Variants in NAALAD2 observed in about 807,000 individuals in gnomAD.
NAALAD2 encodes N-acetylated-alpha-linked acidic dipeptidase 2.
A neutral mutation model predicts 95.6 loss-of-function variants in NAALAD2; 89 were observed. That is an observed-to-expected ratio of 0.93 (90% confidence interval 0.78 to 1.11). The LOEUF (loss-of-function observed/expected upper bound fraction) is 1.11. Among genes scored for constraint, NAALAD2 ranks in the 50% least tolerant of loss-of-function variants. The pLI is 0.00. For missense variants in NAALAD2, 894 were observed against 872.4 expected (o/e 1.02, Z -0.31); for synonymous variants, 264 against 294.4 (o/e 0.90, Z 1.06).
At chr11:90,148,371 G>A (rs566305421) in intron 3 of NAALAD2, among the ~76,000 whole-genome samples, 83 of 152,298 alleles carry the variant, frequency 5.4e-4, no homozygotes, top group African/African-American at 1.7e-3. Flanking sequence ...GGAAGATAGA[G>A]TTCAGGATGA....
chr11:90,147,486 T>C lies in NAALAD2; in HGVS notation c.351T>C (p.Tyr117=), dbSNP rs773025310. The C allele has an allele frequency of 6.8e-6, 11 of 1,611,166 alleles. No homozygotes were observed. Among genetic ancestry groups the C allele is most frequent in the Non-Finnish European group, 9.3e-6 (11 of 1,179,020 alleles). The change falls in exon 3 of 19, where the codon TAT becomes TAC. Residue 117 remains tyrosine, a synonymous_variant. Coordinates refer to ENST00000534061, the MANE Select transcript of NAALAD2 (RefSeq NM_005467.4). ...LSYPNETNAN[Y]ISIVDEHETE... ...ACCCCAATGAGACAAATGCCAACTA[T>C]ATATCGATTGTGGATGAACATGAAA...
At chr11:90,176,385 G>A (rs1339125814) in intron 15 of NAALAD2, among the ~76,000 whole-genome samples, 1 of 152,106 alleles carries the variant, frequency 6.6e-6, no homozygotes, top group Non-Finnish European at 1.5e-5. Context: ...TAGTCTTGCA[G>A]GCTCTGATGT....
At chr11:90,188,139 G>T (rs888596687) in intron 18 of NAALAD2, among the ~76,000 whole-genome samples, 1 of 152,124 alleles carries the variant, frequency 6.6e-6, no homozygotes, top group Non-Finnish European at 1.5e-5. Context: ...TTGGTGATCG[G>T]CACAAGAGTA....
chr11:90,159,041 A>G (rs3740808), intron 7 of NAALAD2, 198 bp from the exon 8 acceptor site: 1 of 550,406 alleles, frequency 1.8e-6, no homozygotes, highest in Non-Finnish European at 3.2e-6. Flanking sequence ...CATATTACGT[A>G]TTTTACTTAC....
chr11:90,156,324 A>G (rs1952118619), intron 6 of NAALAD2, among the ~76,000 whole-genome samples: 1 of 152,000 alleles, frequency 6.6e-6, no homozygotes, highest in Admixed American at 6.6e-5. Flanking sequence ...GGCCTCCCAA[A>G]GTGCTGGGAT....
upstream of NAALAD2, among the ~76,000 whole-genome samples, chr11:90,133,674 A>G (rs548102072): frequency 1.3e-5 from 2 of 152,328 alleles, no homozygotes; most frequent in Admixed American, 6.5e-5. Context: ...GGGAAATTCA[A>G]TGGGCTTGAA....
intron 2 of NAALAD2, among the ~76,000 whole-genome samples, chr11:90,145,933 G>A (rs1951740719): frequency 6.6e-6 from 1 of 152,142 alleles, no homozygotes; most frequent in African/African-American, 2.4e-5. Context: ...ATGCCATGTT[G>A]GAGTGTGGAC....
At position 90,139,129 on chromosome 11, in the gene NAALAD2, A is replaced by T. The variant is rs1413956420; in HGVS notation, c.194+3459A>T. ...AGAGGTGTCTTCCAATACCAAAAGA[A>T]TTTTAAAAGGCAATCCCTTCCTGGC... On this transcript the variant is annotated intron_variant, in intron 2 of 18. Transcript: ENST00000534061. Among the ~76,000 whole-genome samples the T allele has an allele frequency of 3.3e-5, 5 of 152,086 alleles. 1 individual carries two copies. In the South Asian group the frequency reaches 1.0e-3, roughly 32 times the overall value.
At position 90,147,379 on chromosome 11, in the gene NAALAD2, C is replaced by G. The variant is rs751999872; in HGVS notation, c.244C>G (p.Leu82Val). 6.8e-6 allele frequency: 11 copies of G among 1,613,822 alleles called. No homozygotes were observed. Among genetic ancestry groups the G allele is most frequent in the Non-Finnish European group, 9.3e-6 (11 of 1,179,958 alleles). The change falls in exon 3 of 19, where the codon CTT (leucine) becomes GTT (valine). Residue 82 changes from leucine (L) to valine (V), a missense_variant. Coordinates refer to ENST00000534061, the MANE Select transcript of NAALAD2 (RefSeq NM_005467.4). ...GGCAGGAACAGAACAAAATTTCTTG[C>G]TTGCCAAGAAAATCCAAACCCAGTG... The part of the protein sequence containing the change: ...HLAGTEQNFL[L>V]AKKIQTQWKK...
At chr11:90,185,429 G>A (rs113910293) in intron 18 of NAALAD2, among the ~76,000 whole-genome samples, 57 of 152,146 alleles carry the variant, frequency 3.7e-4, no homozygotes, top group African/African-American at 1.3e-3. Flanking sequence ...CCAGCGCTTT[G>A]GGAGGCTGAG....
At chr11:90,187,208 T>C (rs531019491) in intron 18 of NAALAD2, among the ~76,000 whole-genome samples, 1 of 151,644 alleles carries the variant, frequency 6.6e-6, no homozygotes, top group East Asian at 2.0e-4. Context: ...ATAGGAACAC[T>C]TTTACACTGT....
chr11:90,148,282 G>A (rs1224130767), intron 3 of NAALAD2, among the ~76,000 whole-genome samples: 1 of 152,200 alleles, frequency 6.6e-6, no homozygotes, highest in East Asian at 1.9e-4. Context: ...TAGTAGGAAT[G>A]AGGATGAGGG....
At position 90,134,694 on chromosome 11, in the gene NAALAD2, T is replaced by C; in HGVS notation, c.-65T>C. 6.5e-7 allele frequency: 1 copy of C among 1,536,896 alleles called. No homozygotes were observed. ...CACAGCCTCCTGCCAGCGCGCTCTC[T>C]GTTTCTCTGCAGCCCCGAAGCTCGC... is the stretch of plus-strand genomic sequence containing the variant. On this transcript the variant is annotated 5_prime_UTR_variant, in exon 1 of 19. Coordinates refer to ENST00000534061, the MANE Select transcript of NAALAD2 (RefSeq NM_005467.4).
rs562496549 is a variant in NAALAD2, at chr11:90,138,725, C to CTTT, written c.194+3087_194+3089dup. ...TATCATGAAACCCTTCATCCCTCAA[C>CTTT]TTTTTTTTTTTTTTTTTTTTTTTTT... On this transcript the variant is annotated intron_variant, in intron 2 of 18. Coordinates refer to ENST00000534061, the MANE Select transcript of NAALAD2 (RefSeq NM_005467.4). Among the ~76,000 whole-genome samples the CTTT allele has an allele frequency of 8.6e-4, 53 of 61,516 alleles. 8 individuals carry two copies. Among genetic ancestry groups the CTTT allele is most frequent in the Non-Finnish European group, 1.1e-3 (33 of 31,326 alleles). 40.4% of individuals were successfully genotyped at this position (61,516 alleles called of 152,430 possible).
chr11:90,188,027 A>G (rs1404177251), intron 18 of NAALAD2, among the ~76,000 whole-genome samples: 2 of 152,216 alleles, frequency 1.3e-5, no homozygotes, highest in African/African-American at 4.8e-5. Context: ...GGAAAGTGAC[A>G]TACAGAAAAC....
chr11:90,150,659 T>C (rs1239366536), intron 5 of NAALAD2, 52 bp downstream of exon 5: 1 of 1,355,942 alleles, frequency 7.4e-7, no homozygotes, highest in Non-Finnish European at 9.8e-7. Flanking sequence ...ATATATTCTG[T>C]AAATGTAAAT....
At chr11:90,166,626 G>A (rs1952455989) in intron 11 of NAALAD2, among the ~76,000 whole-genome samples, 1 of 151,938 alleles carries the variant, frequency 6.6e-6, no homozygotes, top group African/African-American at 2.4e-5. Context: ...ACGAGGTCAG[G>A]AGATCGAGAC....
Position 90,191,633 on chromosome 11 carries a change from T to G in NAALAD2, c.2109T>G (p.Phe703Leu), listed in dbSNP as rs759259286. 6.2e-7 allele frequency: 1 copy of G among 1,607,808 alleles called. No individual in the cohort carries two copies. The highest frequency in any genetic ancestry group is 1.1e-5 in the South Asian group (1 of 89,378). Reference protein sequence around the residue: ...ESFPGIYDAIFDIENKANSRL... With the variant: ...ESFPGIYDAILDIENKANSRL... ...TTCCTGGAATCTATGATGCTATCTTTGATATTGAAAATAAAGCCAACTCTC... is the reference window on the plus strand; with the variant it reads ...TTCCTGGAATCTATGATGCTATCTTGGATATTGAAAATAAAGCCAACTCTC... The change falls in exon 19 of 19, where the codon TTT becomes TTG. Residue 703 changes from phenylalanine to leucine, a missense_variant. Phe to Leu is a conservative substitution (Grantham distance 22). Transcript: ENST00000534061.
Position 90,178,104 on chromosome 11 carries a change from T to TG in NAALAD2, c.1847dup (p.Val617SerfsTer4). On this transcript the variant is annotated frameshift_variant, in exon 16 of 19. Coordinates refer to ENST00000534061, the MANE Select transcript of NAALAD2 (RefSeq NM_005467.4). LOFTEE classifies it high-confidence loss of function. Reference sequence around the variant, plus strand: ...AACATGATCAACAATTGACAGACCATGGAGTATCATTTGGTAAGAAATAGT... The same window carrying TG: ...AACATGATCAACAATTGACAGACCATGGGAGTATCATTTGGTAAGAAATAGT... 1 of 1,609,304 alleles carries TG rather than the reference T, an allele frequency of 6.2e-7. No individual in the cohort carries two copies. The highest frequency in any genetic ancestry group is 8.5e-7 in the Non-Finnish European group (1 of 1,178,502).
Sources: gnomAD v4.1 joint callset for allele counts (sites outside exome capture counted in the v4.1 genomes callset) on GRCh38, gnomAD v4.1.1 for gene constraint, MANE v1.5 for transcripts, NCBI Gene and HGNC (gene_info 2026-07-23, HGNC 2026-07-21) for gene names.